PARD3B: variants seen among roughly 807,000 people sequenced by gnomAD.
The protein encoded by PARD3B is par-3 family cell polarity regulator beta, also known as partitioning defective 3 homolog B.
Under a neutral mutation model 130.2 loss-of-function variants are expected in PARD3B, and 103 were observed. The observed-to-expected ratio is 0.79, with a 90% CI of 0.67 to 0.93. The LOEUF (loss-of-function observed/expected upper bound fraction) is 0.93. PARD3B is among the 40% of genes least tolerant of loss of function. PARD3B has a pLI of 0.00. For synonymous variants in PARD3B, 583 were observed against 553.2 expected, an observed-to-expected ratio of 1.05 and a Z score of -0.76; for missense variants, 1,609 against 1,499.2, an observed-to-expected ratio of 1.07 and a Z score of -1.21.
At chr2:204,902,768 T>C (rs958715394) in intron 2 of PARD3B, among the ~76,000 whole-genome samples, 2 of 152,186 alleles carry the variant, frequency 1.3e-5, no homozygotes. Flanking sequence ...TTTTTCTTTC[T>C]CTTTTAGAAA....
Position 205,499,860 on chromosome 2 carries a change from A to G in PARD3B, c.3045-36A>G. The G allele has an allele frequency of 2.5e-6, 4 of 1,591,834 alleles. 1 individual carries two copies. The highest frequency in any genetic ancestry group is 2.3e-5 in the South Asian group (2 of 88,090). ...AAAAGTGATTTCAAAGATGATGTACACTGTGTGAATCTGATTATTTGTCTA... is the reference window on the plus strand; with the variant it reads ...AAAAGTGATTTCAAAGATGATGTACGCTGTGTGAATCTGATTATTTGTCTA... On this transcript the variant is annotated intron_variant, in intron 20 of 22. Coordinates refer to ENST00000406610, the MANE Select transcript of PARD3B (RefSeq NM_001302769.2).
At chr2:205,212,979 C>A (rs1174864687) in intron 15 of PARD3B, among the ~76,000 whole-genome samples, 1 of 152,052 alleles carries the variant, frequency 6.6e-6, no homozygotes, top group Non-Finnish European at 1.5e-5. Flanking sequence ...GCAATCAGGG[C>A]TTAAAGATGT....
At chr2:204,996,459 C>G (rs1174053301) in intron 3 of PARD3B, among the ~76,000 whole-genome samples, 3 of 152,296 alleles carry the variant, frequency 2.0e-5, no homozygotes, top group Admixed American at 1.3e-4. Flanking sequence ...CAGCTGCGTG[C>G]TGGGAGAACC....
Position 205,563,386 on chromosome 2 carries a change from A to C in PARD3B, c.3260+9983A>C, listed in dbSNP as rs1306913870. ...GATGCTCCTTTAATAAAAGAAAAAA[A>C]TGTATCCTTGAAGTCACAGAATCAG... is the stretch of plus-strand genomic sequence containing the variant. On this transcript the variant is annotated intron_variant, in intron 22 of 22. Transcript: ENST00000406610. The surrounding 1 kb of genome is among the most constrained non-coding windows in gnomAD (Gnocchi z 4.2). Among the ~76,000 whole-genome samples, 1 of 152,194 alleles carries C rather than the reference A, an allele frequency of 6.6e-6. No individual in the cohort carries two copies. Among genetic ancestry groups the C allele is most frequent in the African/African-American group, 2.4e-5 (1 of 41,440 alleles).
At chr2:204,856,551 A>G (rs1183329725) in intron 2 of PARD3B, among the ~76,000 whole-genome samples, 2 of 152,136 alleles carry the variant, frequency 1.3e-5, no homozygotes, top group East Asian at 3.9e-4. Flanking sequence ...GTTTGATGCA[A>G]TCCTGTTTTT....
chr2:205,279,054 G>C (rs189047591), intron 16 of PARD3B, among the ~76,000 whole-genome samples: 1 of 78,656 alleles, frequency 1.3e-5, no homozygotes, highest in Admixed American at 2.3e-4. Context: ...CTGGATGACA[G>C]AGCAAGAATC....
chr2:204,559,502 C>A (rs1299748039), intron 1 of PARD3B, among the ~76,000 whole-genome samples: 1 of 152,140 alleles, frequency 6.6e-6, no homozygotes, highest in Non-Finnish European at 1.5e-5. Flanking sequence ...CCATCTCACA[C>A]CAGTTAGAAT....
intron 2 of PARD3B, among the ~76,000 whole-genome samples, chr2:204,931,325 T>C (rs907051845): frequency 6.6e-6 from 1 of 152,118 alleles, no homozygotes; most frequent in Non-Finnish European, 1.5e-5. Context: ...TATTAGTGTT[T>C]ATTGAAATTA....
chr2:204,741,824 A>G (rs1180995501), intron 2 of PARD3B, among the ~76,000 whole-genome samples: 2 of 151,938 alleles, frequency 1.3e-5, no homozygotes, highest in Non-Finnish European at 2.9e-5. Flanking sequence ...AGTTCTTCCT[A>G]CTCATTATAT....
At chr2:204,703,015 CT>C (rs1237888525) in intron 2 of PARD3B, among the ~76,000 whole-genome samples, 1 of 152,050 alleles carries the variant, frequency 6.6e-6, no homozygotes, top group Admixed American at 6.6e-5. Flanking sequence ...TTTATTGATA[CT>C]TTATTAATTT....
At chr2:205,298,255 C>T (rs2041865187) in intron 16 of PARD3B, among the ~76,000 whole-genome samples, 1 of 152,144 alleles carries the variant, frequency 6.6e-6, no homozygotes, top group Non-Finnish European at 1.5e-5. Context: ...TCCCTAGGGG[C>T]TGATATTATA....
At position 205,390,339 on chromosome 2, in the gene PARD3B, C is replaced by A. The variant is rs554079328; in HGVS notation, c.2631-10674C>A. Among the ~76,000 whole-genome samples the A allele has an allele frequency of 3.9e-3, 590 of 150,730 alleles. 6 individuals carry two copies. Among genetic ancestry groups the A allele is most frequent in the African/African-American group, 0.013 (545 of 41,100 alleles). ...CTCTAGTTATACTTTCTGTGATGTG[C>A]AGCAGGTTTGGAATACATGGAACAT... is the stretch of plus-strand genomic sequence containing the variant. On this transcript the variant is annotated intron_variant, in intron 18 of 22. Coordinates refer to ENST00000406610, the MANE Select transcript of PARD3B (RefSeq NM_001302769.2).
rs144450892 is a variant in PARD3B, at chr2:205,563,006, C to T, written c.3260+9603C>T. Among the ~76,000 whole-genome samples the T allele has an allele frequency of 4.7e-3, 711 of 152,222 alleles. 5 individuals are homozygous for T. The highest frequency in any genetic ancestry group is 0.016 in the African/African-American group (678 of 41,528). ...CATCTGATTTGTATGTTTGTGAGGCCTGTGCTTTATGATTATTTAAAATGA... is the reference window on the plus strand; with the variant it reads ...CATCTGATTTGTATGTTTGTGAGGCTTGTGCTTTATGATTATTTAAAATGA... On this transcript the variant is annotated intron_variant, in intron 22 of 22. Transcript: ENST00000406610. This position sits in a 1 kb window ranked among gnomAD's most constrained non-coding sequence, Gnocchi z 4.2.
At chr2:204,599,322 A>G (rs2033417816) in intron 1 of PARD3B, among the ~76,000 whole-genome samples, 3 of 151,712 alleles carry the variant, frequency 2.0e-5, no homozygotes, top group African/African-American at 7.3e-5. Flanking sequence ...CCCTTAACAA[A>G]TTTCTCCCTA....
At chr2:205,509,251 A>T (rs1309215457) in intron 21 of PARD3B, among the ~76,000 whole-genome samples, 1 of 152,166 alleles carries the variant, frequency 6.6e-6, no homozygotes, top group Non-Finnish European at 1.5e-5. Context: ...ATTGTTTGTT[A>T]GGATCCCAAA....
At chr2:205,048,617 C>A (rs1177674318) in intron 4 of PARD3B, 1 of 152,130 alleles carries the variant, frequency 6.6e-6, no homozygotes, top group Non-Finnish European at 1.5e-5. Context: ...ATAAACACAT[C>A]ATTTATAGGT....
intron 2 of PARD3B, among the ~76,000 whole-genome samples, chr2:204,696,269 G>GA (rs1213013956): frequency 1.3e-5 from 2 of 151,826 alleles, no homozygotes; most frequent in African/African-American, 4.8e-5. Flanking sequence ...TTTAACGGAA[G>GA]AAAAAAACGG....
intron 16 of PARD3B, among the ~76,000 whole-genome samples, chr2:205,255,773 A>G (rs889959978): frequency 1.3e-5 from 2 of 152,186 alleles, no homozygotes; most frequent in South Asian, 2.1e-4. Flanking sequence ...GGAAGGTTCT[A>G]GGAGCTTCCA....
intron 1 of PARD3B, among the ~76,000 whole-genome samples, chr2:204,644,194 C>T (rs150082831): frequency 6.6e-6 from 1 of 152,004 alleles, no homozygotes; most frequent in Non-Finnish European, 1.5e-5. Context: ...TACACCTCCT[C>T]TAAAGTTGAA....
Sources: gnomAD v4.1 joint callset for allele counts (sites outside exome capture counted in the v4.1 genomes callset) on GRCh38, gnomAD v4.1.1 for gene constraint, Gnocchi (gnomAD v3.1) non-coding constraint, MANE v1.5 for transcripts, NCBI Gene and HGNC (gene_info 2026-07-23, HGNC 2026-07-21) for gene names.